The following SENP7 variants were observed in gnomAD, a reference collection of about 807,000 sequenced individuals.
SENP7 encodes the protein SUMO specific peptidase 7.
A neutral mutation model predicts 141.2 loss-of-function variants in SENP7; 64 were observed. The ratio of observed to expected loss-of-function variants is 0.45; its 90% CI spans 0.37 to 0.56. SENP7 has a LOEUF of 0.56. Ranked by LOEUF, SENP7 falls within the 20% of genes least tolerant of loss-of-function variation. SENP7 has a pLI of 0.00. For missense variants in SENP7, 1,025 were observed against 1,212.2 expected, an observed-to-expected ratio of 0.85 and a Z score of 2.29; for synonymous variants, 382 against 426.4, an observed-to-expected ratio of 0.90 and a Z score of 1.28.
At chr3:101,326,604 C>T (rs1339204747) in intron 23 of SENP7, among the ~76,000 whole-genome samples, 1 of 152,066 alleles carries the variant, frequency 6.6e-6, no homozygotes, top group African/African-American at 2.4e-5. Context: ...AAGAGTGATT[C>T]CTTGCTATTT....
intron 3 of SENP7, among the ~76,000 whole-genome samples, chr3:101,485,350 G>A (rs1215233054): frequency 6.6e-6 from 1 of 152,022 alleles, no homozygotes; most frequent in Admixed American, 6.6e-5. Context: ...CCCTCATAGA[G>A]TCCATTGCAC....
intron 3 of SENP7, among the ~76,000 whole-genome samples, chr3:101,461,006 T>C (rs2063527146): frequency 6.6e-6 from 1 of 150,802 alleles, no homozygotes; most frequent in East Asian, 1.9e-4. Context: ...AAGACAAAAA[T>C]AGTTTTTAAT....
At chr3:101,486,449 T>C (rs2064733611) in intron 3 of SENP7, among the ~76,000 whole-genome samples, 1 of 152,212 alleles carries the variant, frequency 6.6e-6, no homozygotes, top group East Asian at 1.9e-4. Context: ...ATTGGGGCTA[T>C]CTTCAGCCTC....
chr3:101,453,856 T>TA (rs2063250474), intron 4 of SENP7, among the ~76,000 whole-genome samples: 1 of 151,146 alleles, frequency 6.6e-6, no homozygotes, highest in Non-Finnish European at 1.5e-5. Flanking sequence ...CCCTAAAACT[T>TA]AAAGTATAAT....
chr3:101,468,147 A>G (rs1465539266), intron 3 of SENP7, among the ~76,000 whole-genome samples: 2 of 152,204 alleles, frequency 1.3e-5, no homozygotes, highest in Non-Finnish European at 2.9e-5. Context: ...GCAAGAAGAC[A>G]AGGTTAGAGA....
At chr3:101,483,883 C>A (rs2064610166) in intron 3 of SENP7, among the ~76,000 whole-genome samples, 1 of 151,992 alleles carries the variant, frequency 6.6e-6, no homozygotes, top group African/African-American at 2.4e-5. Flanking sequence ...TTAGCCAGGT[C>A]CAGACATGGT....
At chr3:101,386,628 A>T (rs2060659632) in intron 6 of SENP7, among the ~76,000 whole-genome samples, 1 of 152,182 alleles carries the variant, frequency 6.6e-6, no homozygotes, top group Admixed American at 6.5e-5. Context: ...TGGAACCAGT[A>T]GTGTGGCCAG....
At chr3:101,362,048 G>A (rs2059916851) in intron 10 of SENP7, among the ~76,000 whole-genome samples, 187 bp from the exon 11 acceptor site, 2 of 151,858 alleles carry the variant, frequency 1.3e-5, no homozygotes, top group Non-Finnish European at 2.9e-5. Context: ...ACTTACCTTT[G>A]AGAAAATTAC....
intron 1 of SENP7, among the ~76,000 whole-genome samples, chr3:101,504,920 G>A (rs888941717): frequency 6.6e-6 from 1 of 152,106 alleles, no homozygotes. Flanking sequence ...TTGGGAGGCT[G>A]AGGTGGGAAA....
At chr3:101,506,982 G>T (rs2065645330) in intron 1 of SENP7, among the ~76,000 whole-genome samples, 1 of 150,826 alleles carries the variant, frequency 6.6e-6, no homozygotes, top group Non-Finnish European at 1.5e-5. Flanking sequence ...GATAGCCTGA[G>T]CCCAGGAGTT....
chr3:101,332,516 T>G (rs770663536), intron 18 of SENP7, among the ~76,000 whole-genome samples: 3 of 152,106 alleles, frequency 2.0e-5, no homozygotes, highest in African/African-American at 4.8e-5. Context: ...AAAAAAACAT[T>G]CAATGTCTCA....
chr3:101,448,192 T>A (rs1436002436), intron 4 of SENP7, among the ~76,000 whole-genome samples: 2 of 152,062 alleles, frequency 1.3e-5, no homozygotes, highest in Middle Eastern at 3.2e-3. Context: ...TAGGCAGTGG[T>A]TTCTTAGATA....
At chr3:101,418,049 A>G (rs2061677981) in intron 4 of SENP7, among the ~76,000 whole-genome samples, 1 of 152,074 alleles carries the variant, frequency 6.6e-6, no homozygotes, top group African/African-American at 2.4e-5. Flanking sequence ...CAGCTGCTAG[A>G]CTCCTGGCAA....
At chr3:101,446,185 T>C (rs1001789548) in intron 4 of SENP7, among the ~76,000 whole-genome samples, 13 of 152,194 alleles carry the variant, frequency 8.5e-5, no homozygotes, top group African/African-American at 3.1e-4. Context: ...ATGCACTAGC[T>C]TCCTCCTCAC....
Position 101,340,278 on chromosome 3 carries a change from T to C in SENP7, c.2241-67A>G, listed in dbSNP as rs943085650. On this transcript the variant is annotated intron_variant, in intron 15 of 23. Transcript: ENST00000394095. ...ATCCTATTATCTAAGAGATTTCTTA[T>C]ATGAAACAATAACTGGGCAGTGGTA... 70 of 1,484,848 alleles carry C rather than the reference T, an allele frequency of 4.7e-5. No homozygotes were observed. In the South Asian group the frequency reaches 6.5e-4, roughly 14 times the overall value. The allele number at this position is 1,484,848 out of a possible 1,614,324, so 92.0% of individuals were successfully genotyped here.
intron 1 of SENP7, among the ~76,000 whole-genome samples, chr3:101,502,391 C>T (rs2065420134): frequency 6.6e-6 from 1 of 152,218 alleles, no homozygotes; most frequent in Admixed American, 6.5e-5. Context: ...CAACCTCCAC[C>T]TCCCGAGTTC....
At chr3:101,433,862 C>A (rs1236029241) in intron 4 of SENP7, among the ~76,000 whole-genome samples, 1 of 152,016 alleles carries the variant, frequency 6.6e-6, no homozygotes, top group South Asian at 2.1e-4. Context: ...GACAGATCTT[C>A]CAGACAGAAA....
chr3:101,362,979 G>A (rs1322537720), intron 10 of SENP7, among the ~76,000 whole-genome samples: 3 of 152,014 alleles, frequency 2.0e-5, no homozygotes, highest in Admixed American at 6.6e-5. Flanking sequence ...CACATTATCC[G>A]TAACATCACA....
At chr3:101,478,529 G>T (rs1218126936) in intron 3 of SENP7, among the ~76,000 whole-genome samples, 1 of 151,930 alleles carries the variant, frequency 6.6e-6, no homozygotes, top group Non-Finnish European at 1.5e-5. Context: ...TGTCACTAAA[G>T]AAAATTTTAA....
Sources: gnomAD v4.1 joint callset for allele counts (sites outside exome capture counted in the v4.1 genomes callset) on GRCh38, gnomAD v4.1.1 for gene constraint, MANE v1.5 for transcripts, NCBI Gene and HGNC (gene_info 2026-07-23, HGNC 2026-07-21) for gene names.